The following SLC26A7 variants were observed in gnomAD, a reference collection of about 807,000 sequenced individuals.
The protein encoded by SLC26A7 is anion exchange transporter.
SLC26A7 carries 59 observed loss-of-function variants against 82.5 expected under a neutral mutation model. The observed-to-expected ratio is 0.72, with a 90% CI of 0.58 to 0.89. The LOEUF (loss-of-function observed/expected upper bound fraction) is 0.89, where lower values mean the gene tolerates loss of function less well. Among genes scored for constraint, SLC26A7 ranks in the 40% least tolerant of loss-of-function variants. SLC26A7 has a pLI of 0.00. For synonymous variants in SLC26A7, 271 were observed against 274.3 expected, an observed-to-expected ratio of 0.99 and a Z score of 0.12; for missense variants, 820 against 793.0, an observed-to-expected ratio of 1.03 and a Z score of -0.41.
chr8:91,295,009 G>T (rs1030565599), intron 3 of SLC26A7, among the ~76,000 whole-genome samples: 1 of 152,104 alleles, frequency 6.6e-6, no homozygotes, highest in Admixed American at 6.6e-5. Context: ...AAACAAATAG[G>T]ATTTGCACAG....
chr8:91,292,263 G>A (rs1297612393), intron 3 of SLC26A7, among the ~76,000 whole-genome samples: 5 of 149,796 alleles, frequency 3.3e-5, no homozygotes, highest in African/African-American at 7.4e-5. Context: ...CCGAGATGGC[G>A]CCACTGCACT....
intron 5 of SLC26A7, among the ~76,000 whole-genome samples, chr8:91,334,024 A>G (rs1467877130): frequency 6.6e-6 from 1 of 152,160 alleles, no homozygotes; most frequent in East Asian, 1.9e-4. Flanking sequence ...AGTGTCAGGG[A>G]TGAAGCCAGA....
intron 5 of SLC26A7, among the ~76,000 whole-genome samples, chr8:91,324,402 G>A (rs1812879362): frequency 6.6e-6 from 1 of 152,142 alleles, no homozygotes; most frequent in Non-Finnish European, 1.5e-5. Context: ...AGTTGGGGTG[G>A]GGAGAGGGCA....
In SLC26A7 at chr8:91,332,477, G is replaced by A. The variant is rs549051333; in HGVS notation, c.643-1818G>A. Among the ~76,000 whole-genome samples the A allele has an allele frequency of 1.7e-3, 184 of 110,624 alleles. 2 individuals are homozygous for A. Among genetic ancestry groups the A allele is most frequent in the African/African-American group, 6.5e-3 (181 of 27,970 alleles). The allele number at this position is 110,624 out of a possible 152,430, so 72.6% of individuals were successfully genotyped here. A position where few individuals can be genotyped will look rare whatever the true frequency, so the allele number is the denominator to read the frequency against. On this transcript the variant is annotated intron_variant, in intron 5 of 18. Transcript: ENST00000276609. ...AATATATAAATTAAATATATATTCT[G>A]TATATATATTTAATACACACACACA...
intron 8 of SLC26A7, among the ~76,000 whole-genome samples, chr8:91,341,149 C>T (rs1459247950): frequency 6.6e-6 from 1 of 152,026 alleles, no homozygotes; most frequent in Non-Finnish European, 1.5e-5. Context: ...CCCCCCACCC[C>T]ACAACAGTCC....
At position 91,343,334 on chromosome 8, in the gene SLC26A7, T is replaced by C; in HGVS notation, c.1027-19T>C. ...CTATTGTGATTAAGATATTATATATTCTCTCATGAATCTTGCAGGAATTTT... is the reference window on the plus strand; with the variant it reads ...CTATTGTGATTAAGATATTATATATCCTCTCATGAATCTTGCAGGAATTTT... On this transcript the variant is annotated intron_variant, in intron 8 of 18. Transcript: ENST00000276609. The C allele has an allele frequency of 2.1e-6, 3 of 1,441,022 alleles. No individual in the cohort carries two copies. The highest frequency in any genetic ancestry group is 2.9e-6 in the Non-Finnish European group (3 of 1,035,588). 89.3% of individuals were successfully genotyped at this position (1,441,022 alleles called of 1,614,324 possible). A position where few individuals can be genotyped will look rare whatever the true frequency, so the allele number is the denominator to read the frequency against.
intron 2 of SLC26A7, among the ~76,000 whole-genome samples, chr8:91,250,818 A>G (rs1810637722): frequency 6.6e-6 from 1 of 152,096 alleles, no homozygotes; most frequent in South Asian, 2.1e-4. Context: ...ATAATTAGGA[A>G]CATCTGCACT....
chr8:91,343,429 G>C lies in SLC26A7; in HGVS notation c.1103G>C (p.Arg368Thr). ...FCIPSAAAMG[R>T]TAGLYSTGAK... ...ATACCAAGTGCTGCTGCCATGGGAA[G>C]GACGGCTGGCCTGTACAGCACAGGA... The change falls in exon 9 of 19, where the codon AGG becomes ACG. Residue 368 changes from arginine (R) to threonine (T), a missense_variant. Physicochemically the swap from Arg to Thr is moderately conservative, Grantham distance 71 (BLOSUM62 -1). Transcript: ENST00000276609. 1 of 1,612,794 alleles carries C rather than the reference G, an allele frequency of 6.2e-7. No homozygotes were observed. The highest frequency in any genetic ancestry group is 8.5e-7 in the Non-Finnish European group (1 of 1,179,878).
At chr8:91,318,982 T>G (rs920938899) in intron 5 of SLC26A7, among the ~76,000 whole-genome samples, 26 of 152,348 alleles carry the variant, frequency 1.7e-4, no homozygotes, top group African/African-American at 6.0e-4. Context: ...TTAAAAAGCC[T>G]TGTTAATGAA....
Position 91,393,804 on chromosome 8 carries a change from T to TG in SLC26A7, c.1786dup (p.Asp596GlyfsTer3). ...CTATTTTAATTCTTCCAGGTTTACA[T>TG]GGACTGTAAAGGCAGGAGTGTGGAT... On this transcript the variant is annotated frameshift_variant, in exon 17 of 19. Transcript: ENST00000276609. LOFTEE classifies it high-confidence loss of function. 6.2e-7 allele frequency: 1 copy of TG among 1,613,502 alleles called. No individual in the cohort carries two copies. Among genetic ancestry groups the TG allele is most frequent in the African/African-American group, 1.3e-5 (1 of 75,036 alleles).
At chr8:91,323,251 G>T (rs1322649503) in intron 5 of SLC26A7, among the ~76,000 whole-genome samples, 1 of 152,168 alleles carries the variant, frequency 6.6e-6, no homozygotes, top group Non-Finnish European at 1.5e-5. Flanking sequence ...TCTGTAACTT[G>T]ATTCAATCAG....
At chr8:91,277,160 T>G (rs1023942685) in intron 2 of SLC26A7, among the ~76,000 whole-genome samples, 2 of 152,186 alleles carry the variant, frequency 1.3e-5, no homozygotes, top group African/African-American at 4.8e-5. Flanking sequence ...GAACCCCTCT[T>G]TCTTTGGGAA....
At chr8:91,272,295 A>G (rs959689684) in intron 2 of SLC26A7, among the ~76,000 whole-genome samples, 1 of 152,204 alleles carries the variant, frequency 6.6e-6, no homozygotes, top group Non-Finnish European at 1.5e-5. Context: ...AGACCCTGGT[A>G]CTTTGCTTGA....
chr8:91,292,041 C>T (rs988480746), intron 3 of SLC26A7, among the ~76,000 whole-genome samples: 2 of 152,138 alleles, frequency 1.3e-5, no homozygotes, highest in South Asian at 2.1e-4. Flanking sequence ...TGCGGTGGCT[C>T]ACACCTGTAG....
rs187415290 is a variant in SLC26A7, at chr8:91,338,962, A to G, written c.878+730A>G. On this transcript the variant is annotated intron_variant, in intron 7 of 18. Transcript: ENST00000276609. ...TTCCAATCCCAAATTTTTGTTTCTA[A>G]TTACATGAAAATGGAGAAACAGTAG... is the stretch of plus-strand genomic sequence containing the variant. Among the ~76,000 whole-genome samples the G allele has an allele frequency of 5.4e-3, 822 of 152,266 alleles. 5 individuals carry two copies. Among genetic ancestry groups the G allele is most frequent in the African/African-American group, 0.019 (795 of 41,568 alleles).
intron 14 of SLC26A7, among the ~76,000 whole-genome samples, chr8:91,367,394 A>G (rs1476308575): frequency 6.6e-6 from 1 of 152,200 alleles, no homozygotes; most frequent in Non-Finnish European, 1.5e-5. Flanking sequence ...AGACGCATAA[A>G]CTGTTGCAAT....
intron 2 of SLC26A7, among the ~76,000 whole-genome samples, chr8:91,239,319 G>A (rs1810434780): frequency 7.0e-6 from 1 of 143,390 alleles, no homozygotes; most frequent in Non-Finnish European, 1.5e-5. Flanking sequence ...ACAGTGAGCC[G>A]AGATCGCGTT....
rs367629152 is a variant in SLC26A7 at position 91,258,494 on chromosome 8, A to G, written c.193+8650A>G. 1.2e-3 allele frequency among the ~76,000 whole-genome samples: 187 copies of G among 152,106 alleles called. No individual in the cohort carries two copies. The Middle Eastern group carries it at 0.02, about 17-fold the overall frequency. ...CTATATTCAATTAACCAAGTTCTGT[A>G]AATTCTTCCCTCTTAATGTCTGTCT... is the stretch of plus-strand genomic sequence containing the variant. On this transcript the variant is annotated intron_variant, in intron 2 of 18. Coordinates refer to ENST00000276609, the MANE Select transcript of SLC26A7 (RefSeq NM_052832.4).
intron 5 of SLC26A7, among the ~76,000 whole-genome samples, chr8:91,329,644 A>C (rs1447908376): frequency 1.3e-5 from 2 of 152,260 alleles, no homozygotes; most frequent in East Asian, 3.9e-4. Flanking sequence ...TTATACAGAC[A>C]TTGTCATGGC....
Sources: allele counts gnomAD v4.1 joint callset (sites outside exome capture counted in the v4.1 genomes callset), GRCh38; gene constraint gnomAD v4.1.1; transcripts MANE v1.5; gene names NCBI Gene and HGNC (gene_info 2026-07-23, HGNC 2026-07-21).